The following UBAP1L variants were observed in gnomAD, a reference collection of about 807,000 sequenced individuals.
The protein encoded by UBAP1L is ubiquitin-associated protein 1-like.
A neutral mutation model predicts 32.1 loss-of-function variants in UBAP1L; 32 were observed. The ratio of observed to expected loss-of-function variants is 1.00; its 90% CI spans 0.75 to 1.34. The LOEUF (loss-of-function observed/expected upper bound fraction) is 1.34. Among genes scored for constraint, UBAP1L ranks in the 40% most tolerant of loss-of-function variants. The pLI is 0.00. For missense variants in UBAP1L, 516 were observed against 540.5 expected (o/e 0.95, Z 0.45); for synonymous variants, 243 against 250.2 (o/e 0.97, Z 0.27).
At position 65,094,903 on chromosome 15, in the gene UBAP1L, AC is replaced by A; in HGVS notation, c.910-328del. 1.3e-5 allele frequency: 5 copies of A among 380,174 alleles called. No individual in the cohort carries two copies. Among genetic ancestry groups the A allele is most frequent in the Non-Finnish European group, 2.0e-5 (4 of 200,620 alleles). The allele number at this position is 380,174 out of a possible 1,614,324, so 23.6% of individuals were successfully genotyped here. A position where few individuals can be genotyped will look rare whatever the true frequency, so the allele number is the denominator to read the frequency against. On this transcript the variant is annotated intron_variant, in intron 4 of 5. Coordinates refer to ENST00000559089, the MANE Select transcript of UBAP1L (RefSeq NM_001163692.2). The surrounding 1 kb of genome is among the most constrained non-coding windows in gnomAD (Gnocchi z 4.2). ...GGCTTCAAACACAGACATCCCACCTACCACCCAACGCAATTCAACATTCATG... is the reference window on the plus strand; with the variant it reads ...GGCTTCAAACACAGACATCCCACCTACACCCAACGCAATTCAACATTCATG...
rs150933489 is a variant in UBAP1L, at chr15:65,110,555, C to T, written c.-173-4167G>A. Among the ~76,000 whole-genome samples the T allele has an allele frequency of 5.7e-3, 863 of 150,594 alleles. 5 individuals carry two copies. The highest frequency in any genetic ancestry group is 0.014 in the Middle Eastern group (4 of 292). Reference sequence around the variant, plus strand: ...AAAAACATAGCTGGGCATGGTGGCACGCGCCTGTAGTCCCAGGTACGTGGG... The same window carrying T: ...AAAAACATAGCTGGGCATGGTGGCATGCGCCTGTAGTCCCAGGTACGTGGG... On this transcript the variant is annotated intron_variant, in intron 1 of 5. Transcript: ENST00000559089.
chr15:65,105,363 T>C (rs1031192216), intron 2 of UBAP1L, among the ~76,000 whole-genome samples: 6 of 140,224 alleles, frequency 4.3e-5, no homozygotes, highest in African/African-American at 1.6e-4. Context: ...CCTATAGTCC[T>C]AGCTACTTGG....
chr15:65,102,731 G>A lies in UBAP1L; in HGVS notation c.121-47C>T. ...AAGCCCAGGGCAAACCAGGACCCCG[G>A]GGGCACAACACTAACCCCTGGCCTG... On this transcript the variant is annotated intron_variant, in intron 2 of 5. Coordinates refer to ENST00000559089, the MANE Select transcript of UBAP1L (RefSeq NM_001163692.2). This position sits in a 1 kb window ranked among gnomAD's most constrained non-coding sequence, Gnocchi z 5.0. 6.6e-7 allele frequency: 1 copy of A among 1,514,446 alleles called. No homozygotes were observed. The highest frequency in any genetic ancestry group is 2.5e-5 in the East Asian group (1 of 40,500). The allele number at this position is 1,514,446 out of a possible 1,614,324, so 93.8% of individuals were successfully genotyped here.
rs768121441 is a variant in UBAP1L, at chr15:65,094,483, C to T, written c.1003G>A (p.Glu335Lys). The change falls in exon 5 of 6, where the codon GAG becomes AAG. Residue 335 changes from glutamate (E) to lysine (K), a missense_variant. Transcript: ENST00000559089. The surrounding 1 kb of genome is among the most constrained non-coding windows in gnomAD (Gnocchi z 4.2). Reference protein sequence around the residue: ...DEAMEMFQFSESQAGEFLRLW... With the variant: ...DEAMEMFQFSKSQAGEFLRLW... ...CAGGAAGCCCTGCTGACCTGGCTCT[C>T]GGAGAACTGGAACATCTCCATGGCC... 1.3e-5 allele frequency: 20 copies of T among 1,550,072 alleles called. No individual in the cohort carries two copies. Among genetic ancestry groups the T allele is most frequent in the South Asian group, 2.4e-5 (2 of 83,982 alleles).
intron 1 of UBAP1L, among the ~76,000 whole-genome samples, chr15:65,114,159 C>A (rs975735674): frequency 1.3e-5 from 2 of 151,122 alleles, no homozygotes; most frequent in Non-Finnish European, 2.9e-5. Flanking sequence ...GCTGGGATTA[C>A]AGGCATGAGC....
chr15:65,109,224 C>T (rs907344529), intron 1 of UBAP1L, among the ~76,000 whole-genome samples: 5 of 149,854 alleles, frequency 3.3e-5, no homozygotes, highest in Non-Finnish European at 3.0e-5. Context: ...GTGGCTCACA[C>T]CTGTAATCCC....
At chr15:65,104,779 G>A (rs1337249329) in intron 2 of UBAP1L, 5 of 175,898 alleles carry the variant, frequency 2.8e-5, no homozygotes, top group East Asian at 1.9e-4. Flanking sequence ...AGGCTGAGGC[G>A]GGTGGATCAC....
At position 65,094,550 on chromosome 15, in the gene UBAP1L, G is replaced by GACACAGGCAC. The variant is rs2087152949; in HGVS notation, c.935_936insGTGCCTGTGT (p.Asp312GlufsTer12). ...CCTCATATCCCTGACGTAACAGGCG[G>GACACAGGCAC]TCACAGGCACTGAGGTAGCTGAGAA... On this transcript the variant is annotated frameshift_variant, in exon 5 of 6. Transcript: ENST00000559089. LOFTEE classifies it high-confidence loss of function. This position sits in a 1 kb window ranked among gnomAD's most constrained non-coding sequence, Gnocchi z 4.2. The GACACAGGCAC allele has an allele frequency of 1.3e-6, 2 of 1,551,524 alleles. No individual in the cohort carries two copies. The highest frequency in any genetic ancestry group is 4.9e-5 in the East Asian group (2 of 40,926).
In UBAP1L at chr15:65,093,139, G is replaced by T. The variant is rs756128694; in HGVS notation, c.1104C>A (p.Arg368=). ...IKEVLLVHGN[R]REQALEELVA... ...CCAGCTCCTCCAGGGCTTGCTCTCG[G>T]CGGTTGCCATGGACCAGCAGCACCT... The change falls in exon 6 of 6, where the codon CGC becomes CGA. Residue 368 remains arginine (R), a synonymous_variant. Transcript: ENST00000559089. The T allele has an allele frequency of 1.9e-6, 3 of 1,549,968 alleles. No homozygotes were observed. Among genetic ancestry groups the T allele is most frequent in the Non-Finnish European group, 2.6e-6 (3 of 1,146,838 alleles).
intron 1 of UBAP1L, among the ~76,000 whole-genome samples, chr15:65,110,557 C>T (rs1432227749): frequency 2.7e-5 from 4 of 147,610 alleles, no homozygotes; most frequent in South Asian, 2.2e-4. Context: ...TGGTGGCACG[C>T]GCCTGTAGTC....
chr15:65,114,564 T>C (rs2087390991), intron 1 of UBAP1L, among the ~76,000 whole-genome samples: 1 of 152,228 alleles, frequency 6.6e-6, no homozygotes, highest in Non-Finnish European at 1.5e-5. Flanking sequence ...CTCTAATGAC[T>C]CTGTTATAAT....
In UBAP1L at chr15:65,101,930, C is replaced by T. The variant is rs77614306; in HGVS notation, c.699+176G>A. Among the ~76,000 whole-genome samples, 275 of 152,310 alleles carry T rather than the reference C, an allele frequency of 1.8e-3. 1 individual carries two copies. The highest frequency in any genetic ancestry group is 0.014 in the Middle Eastern group (4 of 294). ...GGGCTTCTGAGCAGGGACTACTCTA[C>T]TCTAGTCAAAGGGCCGCAGGAGGAC... On this transcript the variant is annotated intron_variant, in intron 3 of 5. Coordinates refer to ENST00000559089, the MANE Select transcript of UBAP1L (RefSeq NM_001163692.2).
intron 1 of UBAP1L, among the ~76,000 whole-genome samples, chr15:65,107,327 C>A (rs2087325029): frequency 6.8e-6 from 1 of 147,108 alleles, no homozygotes; most frequent in South Asian, 2.1e-4. Context: ...GAGCAAGATG[C>A]TGTCTCAAAA....
chr15:65,111,373 G>A (rs929309112), intron 1 of UBAP1L, among the ~76,000 whole-genome samples: 8 of 152,204 alleles, frequency 5.3e-5, no homozygotes, highest in Non-Finnish European at 1.0e-4. Context: ...CCACTTAGCA[G>A]GTATAGGGCA....
intron 1 of UBAP1L, among the ~76,000 whole-genome samples, chr15:65,110,675 ACT>A (rs111344621): frequency 2.1e-5 from 3 of 143,094 alleles, no homozygotes; most frequent in African/African-American, 5.2e-5. Flanking sequence ...ACAGAGTGAG[ACT>A]CTGTCTCAAA....
chr15:65,093,155 A>G lies in UBAP1L; in HGVS notation c.1088T>C (p.Leu363Pro). 1 of 1,549,554 alleles carries G rather than the reference A, an allele frequency of 6.5e-7. No individual in the cohort carries two copies. The highest frequency in any genetic ancestry group is 8.7e-7 in the Non-Finnish European group (1 of 1,146,584). The change falls in exon 6 of 6, where the codon CTG (leucine) becomes CCG (proline). Residue 363 changes from leucine (L) to proline (P), a missense_variant. Transcript: ENST00000559089. Reference protein sequence around the residue: ...FQQDRIKEVLLVHGNRREQAL... With the variant: ...FQQDRIKEVLPVHGNRREQAL... ...TTGCTCTCGGCGGTTGCCATGGACCAGCAGCACCTCCTTGATCCGGTCCTG... is the reference window on the plus strand; with the variant it reads ...TTGCTCTCGGCGGTTGCCATGGACCGGCAGCACCTCCTTGATCCGGTCCTG...
intron 2 of UBAP1L, 115 bp downstream of exon 2, chr15:65,105,981 G>A (rs886811929): frequency 1.3e-5 from 19 of 1,421,724 alleles, no homozygotes; most frequent in Non-Finnish European, 1.5e-5. Flanking sequence ...TAGTAGATAC[G>A]GGGTTTCACC....
intron 1 of UBAP1L, among the ~76,000 whole-genome samples, chr15:65,114,011 C>A (rs775343230): frequency 6.6e-6 from 1 of 151,944 alleles, no homozygotes; most frequent in Non-Finnish European, 1.5e-5. Context: ...CTCAGCCTCC[C>A]GAGTAGCTGG....
At position 65,099,634 on chromosome 15, in the gene UBAP1L, A is replaced by G; in HGVS notation, c.780T>C (p.Thr260=). 1.3e-6 allele frequency: 2 copies of G among 1,551,662 alleles called. No homozygotes were observed. Among genetic ancestry groups the G allele is most frequent in the African/African-American group, 1.4e-5 (1 of 73,168 alleles). Reference sequence around the variant, plus strand: ...TCAGGGCGGACAGCAGGTCAGCCGCAGTATCAGGGTGTGACTTGTGGGGGT... The same window carrying G: ...TCAGGGCGGACAGCAGGTCAGCCGCGGTATCAGGGTGTGACTTGTGGGGGT... ...PLNPHKSHPD[T]AADLLSALSQ... Residue 260 remains threonine, a synonymous_variant, in exon 4 of 6, where the codon ACT becomes ACC. Coordinates refer to ENST00000559089, the MANE Select transcript of UBAP1L (RefSeq NM_001163692.2).
Sources: gnomAD v4.1 joint callset for allele counts (sites outside exome capture counted in the v4.1 genomes callset) on GRCh38, gnomAD v4.1.1 for gene constraint, Gnocchi (gnomAD v3.1) non-coding constraint, MANE v1.5 for transcripts, NCBI Gene and HGNC (gene_info 2026-07-23, HGNC 2026-07-21) for gene names.